Variants in PDE1C observed in about 807,000 individuals in gnomAD.
The protein encoded by PDE1C is dual specificity calcium/calmodulin-dependent 3',5'-cyclic nucleotide phosphodiesterase 1C.
A neutral mutation model predicts 93.1 loss-of-function variants in PDE1C; 62 were observed. The observed-to-expected ratio is 0.67, with a 90% confidence interval of 0.54 to 0.82. PDE1C has a LOEUF of 0.82. PDE1C is among the 40% of genes least tolerant of loss of function. The pLI, the probability that PDE1C is intolerant of heterozygous loss-of-function variation, is 0.00. For synonymous variants in PDE1C, 325 were observed against 310.1 expected (o/e 1.05, Z -0.50); for missense variants, 742 against 884.6 (o/e 0.84, Z 2.04).
chr7:32,070,009 T>C (rs574776214), intron 1 of PDE1C, among the ~76,000 whole-genome samples: 14 of 152,252 alleles, frequency 9.2e-5, no homozygotes, highest in South Asian at 2.1e-4. Flanking sequence ...AAACACCTCA[T>C]TGAGTATTGG....
chr7:32,023,333 G>C (rs1397872589), intron 2 of PDE1C, among the ~76,000 whole-genome samples: 1 of 152,080 alleles, frequency 6.6e-6, no homozygotes, highest in Non-Finnish European at 1.5e-5. Context: ...CTTAGCCACT[G>C]TTACTAAGTT....
chr7:31,867,730 A>C (rs1292339267), intron 6 of PDE1C, among the ~76,000 whole-genome samples: 1 of 152,178 alleles, frequency 6.6e-6, no homozygotes, highest in African/African-American at 2.4e-5. Flanking sequence ...GAAGCCCAAG[A>C]ATCAGGCCTC....
At chr7:31,739,864 T>C in the PDE1C span, among the ~76,000 whole-genome samples, 2 of 152,170 alleles carry the variant, frequency 1.3e-5, no homozygotes, top group African/African-American at 4.8e-5. Flanking sequence ...AGTCTGCAAA[T>C]GGGATTTGCC....
intron 1 of PDE1C, among the ~76,000 whole-genome samples, chr7:32,415,285 C>T (rs1011196794): frequency 2.0e-5 from 3 of 151,970 alleles, no homozygotes; most frequent in Admixed American, 2.0e-4. Flanking sequence ...ACCCAGTATC[C>T]ACTAAAAATT....
the PDE1C span, among the ~76,000 whole-genome samples, chr7:31,647,538 G>T: frequency 6.6e-6 from 1 of 151,590 alleles, no homozygotes; most frequent in African/African-American, 2.4e-5. Flanking sequence ...ACTGGGTGTG[G>T]TGGTGTGTGC....
chr7:32,347,282 C>T (rs1190391735), intron 1 of PDE1C, among the ~76,000 whole-genome samples: 2 of 152,158 alleles, frequency 1.3e-5, no homozygotes, highest in Non-Finnish European at 2.9e-5. Context: ...AACAGTGCAA[C>T]TGATATCTGA....
chr7:31,624,757 C>T, the PDE1C span, among the ~76,000 whole-genome samples: 1 of 151,626 alleles, frequency 6.6e-6, no homozygotes, highest in Non-Finnish European at 1.5e-5. Flanking sequence ...GCAACAAAAG[C>T]CAAAAGTGAC....
intron 3 of PDE1C, among the ~76,000 whole-genome samples, chr7:32,121,330 T>C (rs569979701): frequency 6.6e-6 from 1 of 151,930 alleles, no homozygotes; most frequent in Non-Finnish European, 1.5e-5. Context: ...CAGGAGTACT[T>C]CCCTAACCTA....
At chr7:31,728,079 T>TA in the PDE1C span, among the ~76,000 whole-genome samples, 1 of 152,160 alleles carries the variant, frequency 6.6e-6, no homozygotes, top group African/African-American at 2.4e-5. Context: ...TGATATCCAC[T>TA]TAAGGTTGAT....
chr7:32,069,025 C>T (rs1795719278), intron 1 of PDE1C, among the ~76,000 whole-genome samples: 1 of 152,148 alleles, frequency 6.6e-6, no homozygotes, highest in South Asian at 2.1e-4. Context: ...ACAAGGTTTC[C>T]AAATAAATTT....
intron 3 of PDE1C, among the ~76,000 whole-genome samples, chr7:32,119,258 G>A (rs1799158532): frequency 6.6e-6 from 1 of 152,088 alleles, no homozygotes; most frequent in Non-Finnish European, 1.5e-5. Context: ...AGCCAAAACT[G>A]CCAGCTGAAA....
intron 2 of PDE1C, chr7:31,941,271 A>C (rs1805806242): frequency 6.4e-6 from 1 of 156,876 alleles, no homozygotes. Flanking sequence ...GACTGGAGGG[A>C]CCTGTTCACC....
At chr7:31,630,668 A>G in the PDE1C span, among the ~76,000 whole-genome samples, 3 of 152,200 alleles carry the variant, frequency 2.0e-5, no homozygotes, top group Non-Finnish European at 2.9e-5. Context: ...ATTACAAACA[A>G]TAAGACTAAA....
At chr7:31,687,286 T>C in the PDE1C span, 1 of 152,270 alleles carries the variant, frequency 6.6e-6, no homozygotes, top group Non-Finnish European at 1.5e-5. Flanking sequence ...CGCCTTCGCT[T>C]CCCTGCATCT....
the PDE1C span, chr7:31,697,191 C>G: frequency 6.4e-7 from 1 of 1,551,462 alleles, no homozygotes; most frequent in Non-Finnish European, 8.7e-7. Context: ...TGGAGGTCCC[C>G]AGGGCCTGGC....
intron 1 of PDE1C, among the ~76,000 whole-genome samples, chr7:32,347,042 A>T (rs555469941): frequency 2.3e-3 from 355 of 152,328 alleles, no homozygotes; most frequent in Non-Finnish European, 4.1e-3. Context: ...AAACAAACTG[A>T]ACTGCACACT....
chr7:31,947,019 C>G (rs905191263), intron 2 of PDE1C, among the ~76,000 whole-genome samples: 1 of 152,256 alleles, frequency 6.6e-6, no homozygotes, highest in African/African-American at 2.4e-5. Flanking sequence ...TTACAGATGC[C>G]AGAGGTCTGA....
At chr7:32,091,279 C>A (rs1041377199) in intron 3 of PDE1C, among the ~76,000 whole-genome samples, 1 of 152,158 alleles carries the variant, frequency 6.6e-6, no homozygotes, top group African/African-American at 2.4e-5. Context: ...CAACTTTCCC[C>A]TGTGCTTCAA....
intron 1 of PDE1C, among the ~76,000 whole-genome samples, chr7:32,249,294 A>AT (rs1809188654): frequency 6.6e-6 from 1 of 151,974 alleles, no homozygotes; most frequent in South Asian, 2.1e-4. Context: ...GCTACAAAAT[A>AT]TGTCTGGGAG....
Sources: allele counts gnomAD v4.1 joint callset (sites outside exome capture counted in the v4.1 genomes callset), GRCh38; gene constraint gnomAD v4.1.1; transcripts MANE v1.5; gene names NCBI Gene and HGNC (gene_info 2026-07-23, HGNC 2026-07-21).